Variants in DCAKD observed in about 807,000 individuals in gnomAD.
DCAKD encodes dephospho-CoA kinase domain containing.
Under a neutral mutation model 18.7 loss-of-function variants are expected in DCAKD, and 15 were observed. The observed-to-expected ratio is 0.80, with a 90% confidence interval of 0.54 to 1.24. The LOEUF (loss-of-function observed/expected upper bound fraction) is 1.24. Ranked by LOEUF, DCAKD falls within the 50% of genes most tolerant of loss-of-function variation. DCAKD has a pLI of 0.00. For synonymous variants in DCAKD, 130 were observed against 133.0 expected, an observed-to-expected ratio of 0.98 and a Z score of 0.16; for missense variants, 301 against 322.0, an observed-to-expected ratio of 0.93 and a Z score of 0.50.
chr17:45,033,705 T>C (rs1180523308), intron 3 of DCAKD: 1 of 320,574 alleles, frequency 3.1e-6, no homozygotes, highest in Non-Finnish European at 5.2e-6. Context: ...CCTCAAGTGA[T>C]CTGCCTGCCT....
intron 1 of DCAKD, among the ~76,000 whole-genome samples, chr17:45,058,779 G>A (rs997111617): frequency 2.6e-5 from 4 of 152,066 alleles, no homozygotes; most frequent in African/African-American, 9.6e-5. Flanking sequence ...GCTGCAAATA[G>A]GGCAATCGCG....
At chr17:45,032,669 G>C (rs1178070830) in intron 3 of DCAKD, among the ~76,000 whole-genome samples, 1 of 152,016 alleles carries the variant, frequency 6.6e-6, no homozygotes, top group Non-Finnish European at 1.5e-5. Flanking sequence ...TGTAGTCCCA[G>C]CTACTCGGGA....
intron 1 of DCAKD, among the ~76,000 whole-genome samples, chr17:45,035,480 TAAAAAAAAAAA>T (rs35837364): frequency 1.1e-5 from 1 of 86,966 alleles, no homozygotes; most frequent in East Asian, 3.9e-4. Flanking sequence ...AGATTCCTTC[TAAAAAAAAAAA>T]AAAAAAAAAA....
At chr17:45,046,015 C>T (rs894771298) in intron 1 of DCAKD, among the ~76,000 whole-genome samples, 3 of 151,770 alleles carry the variant, frequency 2.0e-5, no homozygotes, top group African/African-American at 4.8e-5. Flanking sequence ...TTAGTAGAGA[C>T]GGGATTTCAC....
chr17:45,053,187 A>AAAC (rs1567853730), upstream of DCAKD, among the ~76,000 whole-genome samples: 2 of 148,084 alleles, frequency 1.4e-5, no homozygotes, highest in African/African-American at 5.1e-5. Context: ...AAAAAAAAAA[A>AAAC]AAAAAAAAAC....
At chr17:45,059,901 C>T (rs761170808) in intron 1 of DCAKD, among the ~76,000 whole-genome samples, 5 of 151,994 alleles carry the variant, frequency 3.3e-5, no homozygotes, top group African/African-American at 4.8e-5. Flanking sequence ...GTCAGGAGTT[C>T]GAGACCAGCC....
At chr17:45,049,607 A>T (rs1251376339) in intron 1 of DCAKD, among the ~76,000 whole-genome samples, 2 of 151,938 alleles carry the variant, frequency 1.3e-5, no homozygotes, top group African/African-American at 4.8e-5. Context: ...ATTCACAATT[A>T]ACCAGAACTT....
At chr17:45,031,428 A>G in intron 3 of DCAKD, 1 of 955,990 alleles carries the variant, frequency 1.0e-6, no homozygotes, top group South Asian at 4.9e-5. Flanking sequence ...ATCTGTGTAA[A>G]TGAGTAAAAA....
At chr17:45,042,666 C>G (rs2053467215) in intron 1 of DCAKD, among the ~76,000 whole-genome samples, 1 of 152,238 alleles carries the variant, frequency 6.6e-6, no homozygotes, top group Admixed American at 6.5e-5. Context: ...ATATTGTTTT[C>G]CAGTTAACTA....
At chr17:45,058,889 G>C (rs76225419) in intron 1 of DCAKD, among the ~76,000 whole-genome samples, 15,707 of 152,182 alleles carry the variant, frequency 0.1, 944 homozygotes, top group Middle Eastern at 0.18. Context: ...ATAAATGACT[G>C]AGGATTATCT....
upstream of DCAKD, among the ~76,000 whole-genome samples, chr17:45,056,009 G>C (rs2053775423): frequency 6.6e-6 from 1 of 152,078 alleles, no homozygotes; most frequent in African/African-American, 2.4e-5. Context: ...CAAAAAATTA[G>C]CCAGGCATGG....
chr17:45,026,630 T>C (rs753377837), intron 4 of DCAKD: 24 of 985,284 alleles, frequency 2.4e-5, no homozygotes, highest in Admixed American at 1.8e-4. Flanking sequence ...TTTGGTCCCT[T>C]CTTAGGGATT....
upstream of DCAKD, among the ~76,000 whole-genome samples, chr17:45,056,401 T>C (rs2053779646): frequency 1.3e-5 from 2 of 152,038 alleles, no homozygotes; most frequent in African/African-American, 4.8e-5. Context: ...TTGCCTAAGG[T>C]CATTCATTAA....
chr17:45,052,850 G>A (rs183528936), upstream of DCAKD, among the ~76,000 whole-genome samples: 7 of 149,494 alleles, frequency 4.7e-5, no homozygotes, highest in Admixed American at 2.7e-4. Flanking sequence ...GCAACAAAAC[G>A]AGACCTTGCC....
intron 1 of DCAKD, among the ~76,000 whole-genome samples, chr17:45,042,515 C>T (rs1019781466): frequency 2.6e-5 from 4 of 152,184 alleles, no homozygotes; most frequent in East Asian, 3.9e-4. Flanking sequence ...ACACTGGGGC[C>T]GCCTGACTAG....
At chr17:45,033,422 T>C (rs1307539263) in intron 3 of DCAKD, among the ~76,000 whole-genome samples, 4 of 152,178 alleles carry the variant, frequency 2.6e-5, no homozygotes, top group African/African-American at 9.7e-5. Flanking sequence ...TAACTGACAG[T>C]CACTGACCTG....
intron 1 of DCAKD, among the ~76,000 whole-genome samples, chr17:45,058,493 T>C (rs922218944): frequency 6.6e-6 from 1 of 151,926 alleles, no homozygotes; most frequent in Admixed American, 6.6e-5. Flanking sequence ...AATCTTGGCT[T>C]ACTGCAACCT....
intron 1 of DCAKD, among the ~76,000 whole-genome samples, chr17:45,045,216 A>AGCAGGGGAACTGGGGACCTT (rs1270637554): frequency 1.3e-5 from 2 of 152,308 alleles, no homozygotes; most frequent in East Asian, 3.9e-4. Flanking sequence ...ACGGACAGAA[A>AGCAGGGGAACTGGGGACCTT]GCAGGGGAAC....
chr17:45,030,995 T>C (rs963698371), intron 3 of DCAKD: 19 of 985,276 alleles, frequency 1.9e-5, no homozygotes, highest in Non-Finnish European at 2.3e-5. Flanking sequence ...CCTCGTTCTT[T>C]TTAGGTCAGT....
Sources: gnomAD v4.1 joint callset for allele counts (sites outside exome capture counted in the v4.1 genomes callset) on GRCh38, gnomAD v4.1.1 for gene constraint, MANE v1.5 for transcripts, NCBI Gene and HGNC (gene_info 2026-07-23, HGNC 2026-07-21) for gene names.